Variants in TEK observed in about 807,000 individuals in gnomAD.
The protein encoded by TEK is angiopoietin-1 receptor.
Under a neutral mutation model 131.8 loss-of-function variants are expected in TEK, and 43 were observed. The observed-to-expected ratio is 0.33, with a 90% CI of 0.26 to 0.42. The LOEUF (loss-of-function observed/expected upper bound fraction) is 0.42, where lower values mean the gene tolerates loss of function less well. Ranked by LOEUF, TEK falls within the 10% of genes least tolerant of loss-of-function variation. The pLI, the probability that TEK is intolerant of heterozygous loss-of-function variation, is 1.00. For synonymous variants in TEK, 580 were observed against 491.6 expected (o/e 1.18, Z -2.38); for missense variants, 1,162 against 1,384.4 (o/e 0.84, Z 2.55).
chr9:27,202,517 C>G (rs1825254846), intron 12 of TEK, among the ~76,000 whole-genome samples: 1 of 152,216 alleles, frequency 6.6e-6, no homozygotes, highest in African/African-American at 2.4e-5. Flanking sequence ...TGCCAGCCCT[C>G]AGAAGCTTTC....
In TEK at chr9:27,197,376, C is replaced by G. The variant is rs1482661462; in HGVS notation, c.1686C>G (p.Thr562=). The G allele has an allele frequency of 6.2e-7, 1 of 1,614,120 alleles. No homozygotes were observed. Among genetic ancestry groups the G allele is most frequent in the South Asian group, 1.1e-5 (1 of 91,084 alleles). The change falls in exon 12 of 23, where the codon ACC becomes ACG. Residue 562 remains threonine, a synonymous_variant. Coordinates refer to ENST00000380036, the MANE Select transcript of TEK (RefSeq NM_000459.5). ...LPKSQTTLNL[T]WQPIFPSSED... ...AAAGTCAGACCACTCTAAATTTGAC[C>G]TGGCAACCAATATTTCCAAGCTCGG...
At chr9:27,121,458 T>A (rs71480372) in intron 1 of TEK, among the ~76,000 whole-genome samples, 104,154 of 148,796 alleles carry the variant, frequency 0.7, 36,673 homozygotes, top group East Asian at 0.92. Context: ...ATAAATTTTT[T>A]TTTTATTTTA....
intron 15 of TEK, 117 bp downstream of exon 15, chr9:27,206,909 G>T (rs571583736): frequency 2.6e-6 from 3 of 1,143,524 alleles, no homozygotes; most frequent in African/African-American, 3.1e-5. Flanking sequence ...AGACATAGCT[G>T]TTATTTGCAA....
chr9:27,211,171 G>A (rs13291647), intron 16 of TEK, among the ~76,000 whole-genome samples: 4 of 86,736 alleles, frequency 4.6e-5, no homozygotes, highest in Admixed American at 2.7e-4. Flanking sequence ...ATATGTATGT[G>A]TATATATATA....
At chr9:27,137,619 TA>T (rs1822521650) in intron 1 of TEK, among the ~76,000 whole-genome samples, 1 of 152,140 alleles carries the variant, frequency 6.6e-6, no homozygotes, top group South Asian at 2.1e-4. Context: ...ATTTTATATA[TA>T]TTTTTAAACT....
At chr9:27,221,121 G>A (rs530245229) in intron 21 of TEK, among the ~76,000 whole-genome samples, 138 of 152,264 alleles carry the variant, frequency 9.1e-4, no homozygotes, top group African/African-American at 2.8e-3. Context: ...TTGAGTAGGC[G>A]GTTTTCCCCT....
intron 2 of TEK, among the ~76,000 whole-genome samples, chr9:27,158,590 G>T (rs1044604927): frequency 2.0e-5 from 3 of 151,184 alleles, no homozygotes; most frequent in Non-Finnish European, 2.9e-5. Flanking sequence ...ATATAAATAA[G>T]AATTTTAGAA....
At chr9:27,197,695 G>GAAAGA (rs1825079919) in intron 12 of TEK, 96 bp downstream of exon 12, 13 of 1,512,162 alleles carry the variant, frequency 8.6e-6, no homozygotes, top group Non-Finnish European at 1.2e-5. Context: ...TGGAAATTAT[G>GAAAGA]AAAGAAAGTT....
intron 1 of TEK, among the ~76,000 whole-genome samples, chr9:27,147,860 C>T (rs1168923929): frequency 6.6e-6 from 1 of 152,126 alleles, no homozygotes; most frequent in Non-Finnish European, 1.5e-5. Context: ...ACATTTTTGA[C>T]GTGAGATGGT....
Position 27,190,555 on chromosome 9 carries a change from A to G in TEK, c.1354A>G (p.Asn452Asp), listed in dbSNP as rs45607336. Residue 452 changes from asparagine to aspartate, a missense_variant, in exon 10 of 23, where the codon AAC becomes GAC. By Grantham distance (23) the Asn-to-Asp change is conservative. This residue lies in a region of TEK where 477 missense variants were observed against 471.0 expected (regional missense o/e 1.01). Transcript: ENST00000380036. ...TCTTCCAAAGCCCCTGAATGCCCCA[A>G]ACGTGATTGACACTGGACATAACTT... ...KVLPKPLNAP[N>D]VIDTGHNFAV... is the part of the protein sequence containing the mutation. 7.4e-6 allele frequency: 12 copies of G among 1,614,050 alleles called. No individual in the cohort carries two copies. Among genetic ancestry groups the G allele is most frequent in the Non-Finnish European group, 1.0e-5 (12 of 1,179,916 alleles).
At chr9:27,143,452 A>C (rs1056586663) in intron 1 of TEK, among the ~76,000 whole-genome samples, 1 of 152,168 alleles carries the variant, frequency 6.6e-6, no homozygotes, top group African/African-American at 2.4e-5. Context: ...GTCAGAATGA[A>C]GAGAAGAACC....
chr9:27,184,086 C>T (rs1264381753), intron 8 of TEK, among the ~76,000 whole-genome samples: 1 of 152,126 alleles, frequency 6.6e-6, no homozygotes, highest in Non-Finnish European at 1.5e-5. Context: ...TTTGGAGCAG[C>T]AGTTTAGGGG....
intron 1 of TEK, among the ~76,000 whole-genome samples, chr9:27,131,370 T>G (rs988094957): frequency 6.6e-6 from 1 of 151,278 alleles, no homozygotes; most frequent in African/African-American, 2.4e-5. Flanking sequence ...TTCCAGCTAC[T>G]TGGGAGGCTG....
At chr9:27,146,008 A>G (rs1308814464) in intron 1 of TEK, among the ~76,000 whole-genome samples, 1 of 152,234 alleles carries the variant, frequency 6.6e-6, no homozygotes, top group Non-Finnish European at 1.5e-5. Flanking sequence ...TATCAGCAAC[A>G]GGTAACACTG....
intron 1 of TEK, among the ~76,000 whole-genome samples, chr9:27,114,662 A>G (rs1267675968): frequency 6.6e-6 from 1 of 152,218 alleles, no homozygotes; most frequent in African/African-American, 2.4e-5. Context: ...AATCAATTTT[A>G]TATATCTTGT....
chr9:27,212,515 G>C (rs879304958), intron 16 of TEK, among the ~76,000 whole-genome samples, 192 bp from the exon 17 acceptor site: 1 of 152,138 alleles, frequency 6.6e-6, no homozygotes, highest in Non-Finnish European at 1.5e-5. Context: ...AAGCGTTGCA[G>C]CCTGGCCCCT....
chr9:27,209,250 G>A lies in TEK; in HGVS notation c.2686+19G>A. ...CATCGAGGTAAGATGCTCTTTTCCTGTCTTTCCTGCCAGAGTTTTTATAAA... is the reference window on the plus strand; with the variant it reads ...CATCGAGGTAAGATGCTCTTTTCCTATCTTTCCTGCCAGAGTTTTTATAAA... On this transcript the variant is annotated intron_variant, in intron 16 of 22. Coordinates refer to ENST00000380036, the MANE Select transcript of TEK (RefSeq NM_000459.5). The A allele has an allele frequency of 6.5e-7, 1 of 1,536,032 alleles. No homozygotes were observed. The highest frequency in any genetic ancestry group is 9.0e-7 in the Non-Finnish European group (1 of 1,109,256).
intron 15 of TEK, among the ~76,000 whole-genome samples, chr9:27,208,038 C>T (rs1825462370): frequency 6.6e-6 from 1 of 152,088 alleles, no homozygotes; most frequent in South Asian, 2.1e-4. Flanking sequence ...TATTGTGAGC[C>T]TGATTTTCTA....
At chr9:27,128,252 G>A (rs1203816554) in intron 1 of TEK, among the ~76,000 whole-genome samples, 3 of 152,086 alleles carry the variant, frequency 2.0e-5, no homozygotes, top group Non-Finnish European at 4.4e-5. Flanking sequence ...CCCATTTCTT[G>A]TTTTTGTCAG....
Sources: gnomAD v4.1 joint callset for allele counts (sites outside exome capture counted in the v4.1 genomes callset) on GRCh38, gnomAD v4.1.1 for gene constraint, gnomAD v4.1.1 regional missense constraint, MANE v1.5 for transcripts, NCBI Gene and HGNC (gene_info 2026-07-23, HGNC 2026-07-21) for gene names.